INSC: variants seen among roughly 807,000 people sequenced by gnomAD.
INSC encodes protein inscuteable homolog.
Under a neutral mutation model 58.6 loss-of-function variants are expected in INSC, and 67 were observed. The ratio of observed to expected loss-of-function variants is 1.14; its 90% confidence interval spans 0.94 to 1.40. The LOEUF is 1.40. INSC is among the 40% of genes most tolerant of loss of function. INSC has a pLI of 0.00. For missense variants in INSC, 714 were observed against 692.0 expected (o/e 1.03, Z -0.36); for synonymous variants, 262 against 276.1 (o/e 0.95, Z 0.51).
intron 7 of INSC, among the ~76,000 whole-genome samples, chr11:15,215,693 G>C (rs530340699): frequency 5.6e-4 from 86 of 152,286 alleles, no homozygotes; most frequent in African/African-American, 2.0e-3. Flanking sequence ...TTTGGTATAA[G>C]AACTGCCCTG....
chr11:15,133,310 AT>A (rs1280176051), intron 1 of INSC, among the ~76,000 whole-genome samples: 1 of 152,060 alleles, frequency 6.6e-6, no homozygotes, highest in African/African-American at 2.4e-5. Flanking sequence ...CATTTTAATT[AT>A]TGTATTTTAA....
chr11:15,183,507 C>T lies in INSC; in HGVS notation c.579+5060C>T, dbSNP rs369604674. ...TATAAAAGTTTTCAATTTATTTTATCCCTTCCATCCATTTATTCTCAAACA... is the reference window on the plus strand; with the variant it reads ...TATAAAAGTTTTCAATTTATTTTATTCCTTCCATCCATTTATTCTCAAACA... On this transcript the variant is annotated intron_variant, in intron 5 of 12. Coordinates refer to ENST00000379556, the MANE Select transcript of INSC (RefSeq NM_001042536.3). 7.2e-5 allele frequency among the ~76,000 whole-genome samples: 11 copies of T among 152,038 alleles called. No homozygotes were observed. The South Asian group carries it at 1.2e-3, about 17-fold the overall frequency.
In INSC at chr11:15,161,649, C is replaced by G. The variant is rs557299618; in HGVS notation, c.56+12419C>G. 3.3e-5 allele frequency among the ~76,000 whole-genome samples: 5 copies of G among 152,284 alleles called. No individual in the cohort carries two copies. The South Asian group carries it at 1.0e-3, about 32-fold the overall frequency. ...CATGCCTGTTGCAACCTGCTTAGCA[C>G]CAAATGCTGGGGCAGGATTTACACT... On this transcript the variant is annotated intron_variant, in intron 2 of 12. Coordinates refer to ENST00000379556, the MANE Select transcript of INSC (RefSeq NM_001042536.3).
chr11:15,256,537 T>G, the INSC span, among the ~76,000 whole-genome samples: 1 of 150,948 alleles, frequency 6.6e-6, no homozygotes, highest in African/African-American at 2.4e-5. Flanking sequence ...TTGCCCAGGC[T>G]GGAGTACAGT....
At position 15,200,905 on chromosome 11, in the gene INSC, G is replaced by C. The variant is rs748885934; in HGVS notation, c.775G>C (p.Ala259Pro). Residue 259 changes from alanine (A) to proline (P), a missense_variant, in exon 7 of 13, where the codon GCC (alanine) becomes CCC (proline). By Grantham distance (27) the Ala-to-Pro change is conservative (BLOSUM62 -1). Coordinates refer to ENST00000379556, the MANE Select transcript of INSC (RefSeq NM_001042536.3). ...GTACCCCCAGGCGCTCCGCACGCTG[G>C]CCTCCATCTGCTGCGTGGAAGAGGG... The part of the protein sequence containing the change: ...CLYPQALRTL[A>P]SICCVEEGVH... 3.1e-6 allele frequency: 5 copies of C among 1,613,286 alleles called. No individual in the cohort carries two copies. The highest frequency in any genetic ancestry group is 4.2e-6 in the Non-Finnish European group (5 of 1,179,834).
chr11:15,258,173 G>T, the INSC span, among the ~76,000 whole-genome samples: 1 of 152,126 alleles, frequency 6.6e-6, no homozygotes, highest in African/African-American at 2.4e-5. Context: ...ATCCCAAAAT[G>T]AATCAAAAAG....
intron 10 of INSC, among the ~76,000 whole-genome samples, chr11:15,236,177 G>T (rs1005721683): frequency 3.3e-5 from 5 of 151,946 alleles, no homozygotes; most frequent in African/African-American, 1.2e-4. Flanking sequence ...CTTTTGTGAG[G>T]CCTAAATTCT....
chr11:15,142,847 G>T (rs1247267149), intron 1 of INSC, among the ~76,000 whole-genome samples: 2 of 151,570 alleles, frequency 1.3e-5, no homozygotes, highest in African/African-American at 4.9e-5. Flanking sequence ...TTAAGTTCTA[G>T]CGTACATGTG....
At chr11:15,230,013 A>ATT (rs1491490993) in intron 9 of INSC, among the ~76,000 whole-genome samples, 6 of 23,866 alleles carry the variant, frequency 2.5e-4, no homozygotes, top group African/African-American at 1.0e-3. Flanking sequence ...ATATATATAT[A>ATT]ATATATATAT....
rs200911054 is a variant in INSC at position 15,191,949 on chromosome 11, T to A, written c.693+1135T>A. ...CAAGATGGCCTCTAAATAAACTCAG[T>A]CTCTGCCTAAGCTTTCCTATTCCTC... is the stretch of plus-strand genomic sequence containing the variant. On this transcript the variant is annotated intron_variant, in intron 6 of 12. Transcript: ENST00000379556. 5.9e-5 allele frequency among the ~76,000 whole-genome samples: 9 copies of A among 152,316 alleles called. No homozygotes were observed. In the East Asian group the frequency reaches 1.7e-3, roughly 29 times the overall value.
chr11:15,178,866 T>C (rs3110501), intron 5 of INSC, among the ~76,000 whole-genome samples: 78,174 of 152,042 alleles, frequency 0.51, 20,992 homozygotes, highest in East Asian at 0.93. Context: ...AGGAGTAAAT[T>C]GGAACCTGAT....
chr11:15,249,548 C>T (rs1330266105), downstream of INSC, among the ~76,000 whole-genome samples: 1 of 152,090 alleles, frequency 6.6e-6, no homozygotes, highest in Non-Finnish European at 1.5e-5. Context: ...ACTACCTGTC[C>T]CAGGCCTTAG....
intron 1 of INSC, among the ~76,000 whole-genome samples, chr11:15,148,512 A>C (rs1244014047): frequency 6.6e-6 from 1 of 152,240 alleles, no homozygotes; most frequent in Non-Finnish European, 1.5e-5. Flanking sequence ...TCCTAGAAGC[A>C]ATCCTGTCAT....
chr11:15,150,209 C>T (rs1848606805), intron 2 of INSC, among the ~76,000 whole-genome samples: 1 of 152,122 alleles, frequency 6.6e-6, no homozygotes, highest in Admixed American at 6.5e-5. Flanking sequence ...TGTGTATGTA[C>T]TAGGGGCTTA....
chr11:15,215,592 T>C (rs1038438268), intron 7 of INSC, among the ~76,000 whole-genome samples: 2 of 152,230 alleles, frequency 1.3e-5, no homozygotes, highest in African/African-American at 4.8e-5. Flanking sequence ...ATCTCCTCCC[T>C]GGGCCTCCAT....
At chr11:15,170,922 T>C (rs1459419307) in intron 2 of INSC, among the ~76,000 whole-genome samples, 1 of 152,224 alleles carries the variant, frequency 6.6e-6, no homozygotes, top group African/African-American at 2.4e-5. Context: ...AAATCAATAG[T>C]TCTGTCACTC....
intron 1 of INSC, 82 bp from the exon 2 acceptor site, chr11:15,149,048 C>T: frequency 6.9e-7 from 1 of 1,447,136 alleles, no homozygotes; most frequent in African/African-American, 1.4e-5. Flanking sequence ...GCTTTGGTTC[C>T]TTGTGGCCTG....
the INSC span, among the ~76,000 whole-genome samples, chr11:15,254,558 C>T: frequency 6.6e-6 from 1 of 152,170 alleles, no homozygotes; most frequent in African/African-American, 2.4e-5. Context: ...CCCTGTGCCT[C>T]AGTTGCCTCA....
the INSC span, among the ~76,000 whole-genome samples, chr11:15,267,358 A>C: frequency 6.6e-6 from 1 of 151,708 alleles, no homozygotes; most frequent in Non-Finnish European, 1.5e-5. Context: ...TCACTCAAGG[A>C]CTCCAATTAC....
Sources: gnomAD v4.1 joint callset for allele counts (sites outside exome capture counted in the v4.1 genomes callset) on GRCh38, gnomAD v4.1.1 for gene constraint, MANE v1.5 for transcripts, NCBI Gene and HGNC (gene_info 2026-07-23, HGNC 2026-07-21) for gene names.